The following SLC5A1 variants were observed in gnomAD, a reference collection of about 807,000 sequenced individuals.
SLC5A1 encodes the protein solute carrier family 5 member 1.
In SLC5A1, 42 loss-of-function variants were observed where a neutral mutation model predicts 73.5. The ratio of observed to expected loss-of-function variants is 0.57; its 90% CI spans 0.45 to 0.74. SLC5A1 has a LOEUF of 0.74. Ranked by LOEUF, SLC5A1 falls within the 30% of genes least tolerant of loss-of-function variation. The pLI is 0.00. For synonymous variants in SLC5A1, 300 were observed against 317.4 expected (o/e 0.95, Z 0.58); for missense variants, 634 against 855.4 (o/e 0.74, Z 3.23).
chr22:32,073,144 TTC>T (rs2093985355), intron 5 of SLC5A1, among the ~76,000 whole-genome samples: 1 of 152,246 alleles, frequency 6.6e-6, no homozygotes, highest in Admixed American at 6.5e-5. Context: ...CCCCCTTGTT[TTC>T]TCCTTAGAGT....
intron 2 of SLC5A1, among the ~76,000 whole-genome samples, chr22:32,054,771 C>G (rs781188514): frequency 1.3e-5 from 2 of 152,156 alleles, no homozygotes; most frequent in African/African-American, 2.4e-5. Context: ...CTTCCAGGTT[C>G]AAGCAATTCT....
At chr22:32,095,887 C>T (rs1349630818) in intron 11 of SLC5A1, among the ~76,000 whole-genome samples, 1 of 152,188 alleles carries the variant, frequency 6.6e-6, no homozygotes, top group African/African-American at 2.4e-5. Context: ...CTATTCCATT[C>T]ATCACGCTAT....
chr22:32,104,511 G>A (rs376642628), intron 13 of SLC5A1, among the ~76,000 whole-genome samples: 1 of 152,212 alleles, frequency 6.6e-6, no homozygotes, highest in East Asian at 1.9e-4. Context: ...ACACGTAAAA[G>A]AGTTCATTCA....
In SLC5A1 at chr22:32,080,635, G is replaced by A. The variant is rs145293737; in HGVS notation, c.478-1231G>A. On this transcript the variant is annotated intron_variant, in intron 5 of 14. Coordinates refer to ENST00000266088, the MANE Select transcript of SLC5A1 (RefSeq NM_000343.4). ...GCCGTGAAATGTTAGGGTTTGTGCA[G>A]TGAAAACAGTTCGTGCATTCATTCC... 5.3e-4 allele frequency among the ~76,000 whole-genome samples: 80 copies of A among 152,306 alleles called. 1 individual carries two copies. In the East Asian group the frequency reaches 0.015, roughly 28 times the overall value.
At chr22:32,060,054 T>C (rs577907831) in intron 2 of SLC5A1, among the ~76,000 whole-genome samples, 171 of 130,840 alleles carry the variant, frequency 1.3e-3, no homozygotes, top group Middle Eastern at 0.011. Context: ...CACACACACA[T>C]ATATACACAC....
At position 32,111,627 on chromosome 22, in the gene SLC5A1, G is replaced by A. The variant is rs923648552; in HGVS notation, c.*1414G>A. 6.6e-6 allele frequency: 1 copy of A among 152,246 alleles called. No individual in the cohort carries two copies. The highest frequency in any genetic ancestry group is 2.4e-5 in the African/African-American group (1 of 41,462). The allele number at this position is 152,246 out of a possible 1,614,324, so 9.4% of individuals were successfully genotyped here. A position where few individuals can be genotyped will look rare whatever the true frequency, so the allele number is the denominator to read the frequency against. On this transcript the variant is annotated 3_prime_UTR_variant, in exon 15 of 15. Transcript: ENST00000266088. ...AATTACAAACTGAACGTATGTAGGT[G>A]AGGCAAGGCAGGGTAGGGCAGGGCC...
intron 7 of SLC5A1, 91 bp downstream of exon 7, chr22:32,083,245 C>A: frequency 9.5e-7 from 1 of 1,053,068 alleles, no homozygotes; most frequent in Non-Finnish European, 1.5e-6. Flanking sequence ...TACCTGCTTG[C>A]CAGACTAGGC....
At chr22:32,077,077 G>A (rs190146183) in intron 5 of SLC5A1, among the ~76,000 whole-genome samples, 7 of 152,200 alleles carry the variant, frequency 4.6e-5, no homozygotes, top group Non-Finnish European at 8.8e-5. Flanking sequence ...ATTTACTCCC[G>A]GGCCCTTTAC....
At chr22:32,097,639 T>TGAA (rs1177145064) in intron 11 of SLC5A1, among the ~76,000 whole-genome samples, 2 of 152,126 alleles carry the variant, frequency 1.3e-5, no homozygotes, top group South Asian at 2.1e-4. Flanking sequence ...TCCATTATTA[T>TGAA]GAAGAAGAAG....
Position 32,081,920 on chromosome 22 carries a change from T to C in SLC5A1, c.532T>C (p.Tyr178His), listed in dbSNP as rs1245074857. Reference sequence around the variant, plus strand: ...CAATCTGGCCTTAGGCCTGAATCTGTATTTAGCCATCTTTCTCTTATTGGC... The same window carrying C: ...CAATCTGGCCTTAGGCCTGAATCTGCATTTAGCCATCTTTCTCTTATTGGC... ...FINLALGLNL[Y>H]LAIFLLLAIT... is the part of the protein sequence containing the mutation. Residue 178 changes from tyrosine (Y) to histidine (H), a missense_variant, in exon 6 of 15, where the codon TAT becomes CAT. By Grantham distance (83) the Tyr-to-His change is moderately conservative. Around this residue, in one of 3 missense-constraint regions of SLC5A1, gnomAD observed 422 missense variants for 626.1 expected, o/e 0.67. Transcript: ENST00000266088. 1 of 1,613,694 alleles carries C rather than the reference T, an allele frequency of 6.2e-7. No homozygotes were observed.
At chr22:32,053,027 C>T (rs755610749) in intron 2 of SLC5A1, among the ~76,000 whole-genome samples, 10 of 152,178 alleles carry the variant, frequency 6.6e-5, no homozygotes, top group East Asian at 1.9e-4. Flanking sequence ...GTTGTTTAGG[C>T]TCATGGGAGT....
intron 2 of SLC5A1, among the ~76,000 whole-genome samples, chr22:32,057,782 T>C (rs902199470): frequency 6.6e-6 from 1 of 152,190 alleles, no homozygotes; most frequent in African/African-American, 2.4e-5. Context: ...TGGGTTAAGA[T>C]GTCAATTTTC....
intron 2 of SLC5A1, among the ~76,000 whole-genome samples, chr22:32,053,190 G>C: frequency 6.6e-6 from 1 of 152,036 alleles, no homozygotes; most frequent in East Asian, 1.9e-4. Context: ...GTTCCCCATT[G>C]GTATATTTTG....
intron 4 of SLC5A1, among the ~76,000 whole-genome samples, chr22:32,068,244 C>T (rs2149488121): frequency 6.6e-6 from 1 of 152,218 alleles, no homozygotes; most frequent in East Asian, 1.9e-4. Context: ...TTAGTGATGC[C>T]CAGTGACAGG....
intron 14 of SLC5A1, among the ~76,000 whole-genome samples, chr22:32,106,763 G>A (rs1459654730): frequency 6.6e-6 from 1 of 152,162 alleles, no homozygotes; most frequent in Non-Finnish European, 1.5e-5. Context: ...TGTGGGAAAC[G>A]TGCACACGTG....
chr22:32,078,954 C>CAAAAAAAAAAA (rs6147589), intron 5 of SLC5A1, among the ~76,000 whole-genome samples: 8 of 109,104 alleles, frequency 7.3e-5, no homozygotes, highest in East Asian at 2.3e-4. Context: ...ACTCTGTCTC[C>CAAAAAAAAAAA]AAAAAAAAAA....
In SLC5A1 at chr22:32,058,450, C is replaced by T. The variant is rs77956982; in HGVS notation, c.207+8436C>T. 9.5e-3 allele frequency among the ~76,000 whole-genome samples: 1,444 copies of T among 152,206 alleles called. 4 individuals are homozygous for T. Among genetic ancestry groups the T allele is most frequent in the Non-Finnish European group, 0.014 (979 of 67,996 alleles). Reference sequence around the variant, plus strand: ...GGCCCTTACGTGGTTTCCAACATTCCTCTGTTGTAAATGACATAGCAATGA... The same window carrying T: ...GGCCCTTACGTGGTTTCCAACATTCTTCTGTTGTAAATGACATAGCAATGA... On this transcript the variant is annotated intron_variant, in intron 2 of 14. Coordinates refer to ENST00000266088, the MANE Select transcript of SLC5A1 (RefSeq NM_000343.4).
At chr22:32,068,457 C>G in intron 4 of SLC5A1, 39 bp from the exon 5 acceptor site, 1 of 1,247,444 alleles carries the variant, frequency 8.0e-7, no homozygotes. Flanking sequence ...GCCCTCTGGT[C>G]ACTGTGGCTG....
At chr22:32,089,575 T>C (rs959216663) in intron 10 of SLC5A1, among the ~76,000 whole-genome samples, 1 of 152,178 alleles carries the variant, frequency 6.6e-6, no homozygotes, top group African/African-American at 2.4e-5. Context: ...TTTGAATATA[T>C]GAAAGATGGC....
Sources: allele counts gnomAD v4.1 joint callset (sites outside exome capture counted in the v4.1 genomes callset), GRCh38; gene constraint gnomAD v4.1.1; regional missense constraint gnomAD v4.1.1; transcripts MANE v1.5; gene names NCBI Gene and HGNC (gene_info 2026-07-23, HGNC 2026-07-21).